Variants in EIF3L observed in about 807,000 individuals in gnomAD.
EIF3L encodes the protein eIEF associated protein HSPC021.
EIF3L carries 32 observed loss-of-function variants against 74.6 expected under a neutral mutation model. The ratio of observed to expected loss-of-function variants is 0.43; its 90% confidence interval spans 0.32 to 0.58. EIF3L has a LOEUF of 0.58. EIF3L is among the 20% of genes least tolerant of loss of function. The pLI, the probability that EIF3L is intolerant of heterozygous loss-of-function variation, is 0.06. For synonymous variants in EIF3L, 256 were observed against 254.4 expected (o/e 1.01, Z -0.06); for missense variants, 474 against 707.8 (o/e 0.67, Z 3.75).
intron 7 of EIF3L, among the ~76,000 whole-genome samples, chr22:37,869,766 T>G (rs911115679): frequency 6.6e-6 from 1 of 152,124 alleles, no homozygotes; most frequent in Non-Finnish European, 1.5e-5. Flanking sequence ...ACCACATCAC[T>G]GCCCATAACC....
At chr22:37,853,981 T>C (rs1008395924) in intron 3 of EIF3L, among the ~76,000 whole-genome samples, 28 of 152,228 alleles carry the variant, frequency 1.8e-4, no homozygotes, top group Non-Finnish European at 2.1e-4. Context: ...ACTCTTTGCT[T>C]ATATAGTAGC....
chr22:37,868,391 C>T (rs1926279535), intron 7 of EIF3L, among the ~76,000 whole-genome samples: 1 of 151,218 alleles, frequency 6.6e-6, no homozygotes, highest in African/African-American at 2.4e-5. Context: ...TCCCAAAGTG[C>T]TTGGATAACA....
At chr22:37,886,082 TACTCGG>T (rs1181466471) in intron 11 of EIF3L, 3 of 150,634 alleles carry the variant, frequency 2.0e-5, no homozygotes, top group African/African-American at 7.3e-5. Flanking sequence ...TAGTCCCAGC[TACTCGG>T]GAGGCTGAGG....
intron 9 of EIF3L, 30 bp downstream of exon 9, chr22:37,874,554 C>G: frequency 6.2e-7 from 1 of 1,602,196 alleles, no homozygotes; most frequent in Non-Finnish European, 8.5e-7. Flanking sequence ...GCCCCTCTTG[C>G]CAGAGCCAGA....
chr22:37,858,219 CTTTTTTT>C (rs549425262), intron 4 of EIF3L, among the ~76,000 whole-genome samples: 81 of 85,102 alleles, frequency 9.5e-4, no homozygotes, highest in Non-Finnish European at 1.2e-3. Context: ...TTCTTTCTTC[CTTTTTTT>C]TTTTTTTTTT....
At chr22:37,858,551 A>G (rs752410513) in intron 4 of EIF3L, 128 bp from the exon 5 acceptor site, 38 of 790,156 alleles carry the variant, frequency 4.8e-5, no homozygotes, top group African/African-American at 8.8e-5. Flanking sequence ...TTCTTGGGGC[A>G]TATGCATAGC....
intron 5 of EIF3L, among the ~76,000 whole-genome samples, chr22:37,861,975 A>G (rs1925881783): frequency 6.6e-6 from 1 of 152,170 alleles, no homozygotes; most frequent in Non-Finnish European, 1.5e-5. Flanking sequence ...ATGTGCTTAG[A>G]TTGTGCTTAA....
chr22:37,870,460 TG>T lies in EIF3L; in HGVS notation c.751+115del, dbSNP rs1926411174. ...AGATGAGTCACCATGTCTTAGGTGGTGGTCTGTTGACTCTTTGTAGGTGCTT... is the reference window on the plus strand; with the variant it reads ...AGATGAGTCACCATGTCTTAGGTGGTGTCTGTTGACTCTTTGTAGGTGCTT... On this transcript the variant is annotated intron_variant, in intron 8 of 12. Transcript: ENST00000652021. 7 of 1,086,492 alleles carry T rather than the reference TG, an allele frequency of 6.4e-6. 1 individual carries two copies. In the South Asian group the frequency reaches 1.2e-4, roughly 18 times the overall value. 67.3% of individuals were successfully genotyped at this position (1,086,492 alleles called of 1,614,324 possible). A position where few individuals can be genotyped will look rare whatever the true frequency, so the allele number is the denominator to read the frequency against.
At chr22:37,856,966 A>T (rs999008647) in intron 4 of EIF3L, among the ~76,000 whole-genome samples, 3 of 149,942 alleles carry the variant, frequency 2.0e-5, no homozygotes, top group African/African-American at 7.4e-5. Context: ...TATTGATTTT[A>T]GGATGGACTT....
Position 37,888,543 on chromosome 22 carries a change from TAGATCAGCCATCAGC to T in EIF3L, c.*80_*94del. On this transcript the variant is annotated 3_prime_UTR_variant, in exon 13 of 13. Transcript: ENST00000652021. ...TTTTTGCTACCGTGAAACCTTTACC[TAGATCAGCCATCAGC>T]CTGTCAACTCAGTTAACAAGTTAAG... The T allele has an allele frequency of 6.9e-7, 1 of 1,447,614 alleles. No individual in the cohort carries two copies. Among genetic ancestry groups the T allele is most frequent in the Non-Finnish European group, 9.7e-7 (1 of 1,033,022 alleles). 89.7% of individuals were successfully genotyped at this position (1,447,614 alleles called of 1,614,324 possible).
chr22:37,861,350 C>T (rs544996160), intron 5 of EIF3L, among the ~76,000 whole-genome samples: 7 of 152,196 alleles, frequency 4.6e-5, no homozygotes, highest in South Asian at 4.1e-4. Flanking sequence ...CATGTTTTTC[C>T]GGCATCCCAG....
At chr22:37,863,630 C>T (rs569249011) in intron 7 of EIF3L, among the ~76,000 whole-genome samples, 1 of 152,166 alleles carries the variant, frequency 6.6e-6, no homozygotes, top group Non-Finnish European at 1.5e-5. Context: ...GCTTCACAGG[C>T]TTTGGAGCGA....
intron 8 of EIF3L, among the ~76,000 whole-genome samples, chr22:37,871,578 C>G (rs1385068072): frequency 6.6e-6 from 1 of 152,104 alleles, no homozygotes; most frequent in Non-Finnish European, 1.5e-5. Flanking sequence ...CCTTAAGATA[C>G]TCATTAGGGC....
intron 4 of EIF3L, among the ~76,000 whole-genome samples, chr22:37,857,434 G>T (rs1339547882): frequency 2.7e-5 from 4 of 148,314 alleles, no homozygotes; most frequent in Non-Finnish European, 5.9e-5. Context: ...GGATGTCTTT[G>T]ATTTATTTAG....
chr22:37,873,304 T>TTG, intron 8 of EIF3L, among the ~76,000 whole-genome samples: 1 of 68,988 alleles, frequency 1.4e-5, no homozygotes, highest in Admixed American at 2.1e-4. Flanking sequence ...GTTTTTTTTG[T>TTG]TTTTTTTTTT....
intron 5 of EIF3L, 21 bp downstream of exon 5, chr22:37,858,761 GTT>G: frequency 2.8e-6 from 4 of 1,419,452 alleles, no homozygotes; most frequent in East Asian, 2.6e-5. Context: ...AAGTGTCGCA[GTT>G]TTTTTTTTGT....
At chr22:37,853,673 C>G (rs140875427) in intron 3 of EIF3L, among the ~76,000 whole-genome samples, 9 of 152,228 alleles carry the variant, frequency 5.9e-5, no homozygotes, top group African/African-American at 2.2e-4. Flanking sequence ...AATTTTTCAG[C>G]CAAGCGAAGT....
chr22:37,851,089 T>C (rs1925189182), intron 2 of EIF3L, among the ~76,000 whole-genome samples, 191 bp from the exon 3 acceptor site: 1 of 152,184 alleles, frequency 6.6e-6, no homozygotes, highest in Admixed American at 6.6e-5. Context: ...AAAATAACTT[T>C]AAGTCATGGT....
intron 8 of EIF3L, among the ~76,000 whole-genome samples, chr22:37,872,669 A>G (rs568056002): frequency 6.6e-6 from 1 of 152,280 alleles, no homozygotes; most frequent in African/African-American, 2.4e-5. Flanking sequence ...CCCTGGCTGA[A>G]GTGCGGTGGC....
Sources: gnomAD v4.1 joint callset for allele counts (sites outside exome capture counted in the v4.1 genomes callset) on GRCh38, gnomAD v4.1.1 for gene constraint, MANE v1.5 for transcripts, NCBI Gene and HGNC (gene_info 2026-07-23, HGNC 2026-07-21) for gene names.